Variants in FHDC1 observed in about 807,000 individuals in gnomAD.
FHDC1 encodes the protein FH2 domain-containing protein 1.
Under a neutral mutation model 52.6 loss-of-function variants are expected in FHDC1, and 25 were observed. The observed-to-expected ratio is 0.48, with a 90% CI of 0.35 to 0.66. FHDC1 has a LOEUF of 0.66. Ranked by LOEUF, FHDC1 falls within the 30% of genes least tolerant of loss-of-function variation. The pLI, the probability that FHDC1 is intolerant of heterozygous loss-of-function variation, is 0.01. For missense variants in FHDC1, 1,459 were observed against 1,452.8 expected, an observed-to-expected ratio of 1.00 and a Z score of -0.07; for synonymous variants, 616 against 581.5, an observed-to-expected ratio of 1.06 and a Z score of -0.85.
intron 2 of FHDC1, among the ~76,000 whole-genome samples, 179 bp downstream of exon 2, chr4:152,943,734 C>T (rs568092270): frequency 2.0e-5 from 3 of 152,112 alleles, no homozygotes; most frequent in Non-Finnish European, 4.4e-5. Flanking sequence ...ATTGAGAAAG[C>T]GTAAGAAGTA....
In FHDC1 at chr4:152,979,592, A is replaced by G. The variant is rs920611876; in HGVS notation, c.*2869A>G. 6.6e-6 allele frequency: 1 copy of G among 152,256 alleles called. No homozygotes were observed. Among genetic ancestry groups the G allele is most frequent in the African/African-American group, 2.4e-5 (1 of 41,464 alleles). The allele number at this position is 152,256 out of a possible 1,614,324, so 9.4% of individuals were successfully genotyped here. On this transcript the variant is annotated 3_prime_UTR_variant, in exon 12 of 12. Coordinates refer to ENST00000511601, the MANE Select transcript of FHDC1 (RefSeq NM_001371116.1). ...TAAGTATCTATGTAAATTTGTTTAA[A>G]ATAAACTGAATGTATTTAATGGTCC...
Position 152,977,816 on chromosome 4 carries a change from GC to G in FHDC1, c.*1096del, listed in dbSNP as rs1740947248. The G allele has an allele frequency of 6.6e-6, 1 of 152,144 alleles. No individual in the cohort carries two copies. 9.4% of individuals were successfully genotyped at this position (152,144 alleles called of 1,614,324 possible). ...GTTCTCTGGCTTCAGAGTTTCACCT[GC>G]CCACACAGGGTCCGTTGCTGGCAAC... On this transcript the variant is annotated 3_prime_UTR_variant, in exon 12 of 12. Coordinates refer to ENST00000511601, the MANE Select transcript of FHDC1 (RefSeq NM_001371116.1).
the FHDC1 span, among the ~76,000 whole-genome samples, chr4:152,916,416 G>A: frequency 6.6e-6 from 1 of 152,046 alleles, no homozygotes; most frequent in Admixed American, 6.5e-5. Context: ...ACATTCATAT[G>A]TATTCACATA....
the FHDC1 span, chr4:152,927,652 T>A: frequency 6.3e-7 from 1 of 1,595,924 alleles, no homozygotes; most frequent in South Asian, 1.1e-5. Flanking sequence ...AGCAGGAGTA[T>A]GAGGAACAGT....
At chr4:152,938,571 C>G (rs1383012124) in intron 1 of FHDC1, among the ~76,000 whole-genome samples, 3 of 152,152 alleles carry the variant, frequency 2.0e-5, no homozygotes, top group African/African-American at 7.2e-5. Flanking sequence ...TTTCCCCATC[C>G]TTTTCTTCTC....
Position 152,972,600 on chromosome 4 carries a change from G to A in FHDC1, c.1383+59G>A, listed in dbSNP as rs538676510. 884 of 1,540,312 alleles carry A rather than the reference G, an allele frequency of 5.7e-4. 6 individuals carry two copies. The highest frequency in any genetic ancestry group is 4.5e-3 in the South Asian group (348 of 78,076). ...TTGGATTTTTATTTTCCTTCTTCTC[G>A]ACCTAGTCATCTGCTCACCACAGAA... On this transcript the variant is annotated intron_variant, in intron 11 of 11. Coordinates refer to ENST00000511601, the MANE Select transcript of FHDC1 (RefSeq NM_001371116.1).
the FHDC1 span, among the ~76,000 whole-genome samples, chr4:152,916,707 C>G: frequency 6.6e-6 from 1 of 152,066 alleles, no homozygotes; most frequent in African/African-American, 2.4e-5. Context: ...CCTACAGATA[C>G]TACAATTTCT....
the FHDC1 span, chr4:152,927,901 G>A: frequency 7.2e-7 from 1 of 1,383,844 alleles, no homozygotes. Flanking sequence ...AGGTGAAGCT[G>A]TTGGCAGGAG....
rs1404695614 is a variant in FHDC1, at chr4:152,979,620, T to G, written c.*2897T>G. On this transcript the variant is annotated 3_prime_UTR_variant, in exon 12 of 12. Coordinates refer to ENST00000511601, the MANE Select transcript of FHDC1 (RefSeq NM_001371116.1). ...AAACTGAATGTATTTAATGGTCCAT[T>G]TATATGTTCTTTTATGTAACATGTA... 1 of 152,236 alleles carries G rather than the reference T, an allele frequency of 6.6e-6. No homozygotes were observed. The highest frequency in any genetic ancestry group is 1.5e-5 in the Non-Finnish European group (1 of 68,042). 9.4% of individuals were successfully genotyped at this position (152,236 alleles called of 1,614,324 possible).
In FHDC1 at chr4:152,943,421, A is replaced by G; in HGVS notation, c.364A>G (p.Arg122Gly). The G allele has an allele frequency of 3.1e-6, 5 of 1,614,214 alleles. No individual in the cohort carries two copies. The highest frequency in any genetic ancestry group is 4.2e-6 in the Non-Finnish European group (5 of 1,180,048). Reference protein sequence around the residue: ...GKTNIWTLAARQEHHYQIDTK... With the variant: ...GKTNIWTLAAGQEHHYQIDTK... ...AACCAACATCTGGACCTTGGCAGCC[A>G]GGCAGGAACATCACTACCAAATTGA... Residue 122 changes from arginine (R) to glycine (G), a missense_variant, in exon 2 of 12, where the codon AGG (arginine) becomes GGG (glycine). Physicochemically the swap from Arg to Gly is moderately radical, Grantham distance 125. Coordinates refer to ENST00000511601, the MANE Select transcript of FHDC1 (RefSeq NM_001371116.1).
At chr4:152,949,989 C>CATG (rs1739874015) in intron 2 of FHDC1, among the ~76,000 whole-genome samples, 1 of 152,138 alleles carries the variant, frequency 6.6e-6, no homozygotes, top group Non-Finnish European at 1.5e-5. Flanking sequence ...CCTGGTGTGA[C>CATG]CAGAGGAGTA....
chr4:152,953,602 C>CTGT, intron 3 of FHDC1, 42 bp downstream of exon 3: 1 of 1,522,238 alleles, frequency 6.6e-7, no homozygotes, highest in Middle Eastern at 1.7e-4. Flanking sequence ...CATATCCCTG[C>CTGT]TGTCAGCATC....
At position 152,975,589 on chromosome 4, in the gene FHDC1, T is replaced by A; in HGVS notation, c.2298T>A (p.Asp766Glu). ...SVGSSDPENKDPRPLFCISDT... is the reference protein window; with the variant it reads ...SVGSSDPENKEPRPLFCISDT... ...GTAGCAGCGACCCTGAGAACAAAGA[T>A]CCTAGACCTCTGTTCTGCATCTCGG... The change falls in exon 12 of 12, where the codon GAT becomes GAA. Residue 766 changes from aspartate to glutamate, a missense_variant. By Grantham distance (45) the Asp-to-Glu change is conservative. Around this residue, in one of 3 missense-constraint regions of FHDC1, gnomAD observed 939 missense variants for 854.5 expected, o/e 1.10. Coordinates refer to ENST00000511601, the MANE Select transcript of FHDC1 (RefSeq NM_001371116.1). 1 of 1,613,468 alleles carries A rather than the reference T, an allele frequency of 6.2e-7. No individual in the cohort carries two copies. Among genetic ancestry groups the A allele is most frequent in the Non-Finnish European group, 8.5e-7 (1 of 1,179,994 alleles).
At chr4:152,971,277 G>A (rs757237531) in intron 10 of FHDC1, among the ~76,000 whole-genome samples, 4 of 152,132 alleles carry the variant, frequency 2.6e-5, no homozygotes, top group Non-Finnish European at 5.9e-5. Flanking sequence ...GATTGCTTGA[G>A]CCCAGGAGGT....
chr4:152,977,693 TCCTC>T lies in FHDC1; in HGVS notation c.*973_*976del, dbSNP rs1163296456. ...ATCTCGAGCTCCTGGGCTCAAGTGA[TCCTC>T]CCACCTCAGCCTCCCAAAGTGCTGG... On this transcript the variant is annotated 3_prime_UTR_variant, in exon 12 of 12. Coordinates refer to ENST00000511601, the MANE Select transcript of FHDC1 (RefSeq NM_001371116.1). 1 of 152,358 alleles carries T rather than the reference TCCTC, an allele frequency of 6.6e-6. No individual in the cohort carries two copies. Among genetic ancestry groups the T allele is most frequent in the African/African-American group, 2.4e-5 (1 of 41,422 alleles). 9.4% of individuals were successfully genotyped at this position (152,358 alleles called of 1,614,324 possible).
rs1029601304 is a variant in FHDC1 at position 152,976,987 on chromosome 4, C to T, written c.*264C>T. On this transcript the variant is annotated 3_prime_UTR_variant, in exon 12 of 12. Transcript: ENST00000511601. The stretch of plus-strand genomic sequence containing the variant: ...CTCCCCCATGCACCCCACCCTCCCC[C>T]AAAGCCCGGATCCCGAGAAAGATTT... 6.5e-6 allele frequency: 2 copies of T among 309,582 alleles called. No homozygotes were observed. The highest frequency in any genetic ancestry group is 1.6e-4 in the South Asian group (1 of 6,406). The allele number at this position is 309,582 out of a possible 1,614,324, so 19.2% of individuals were successfully genotyped here.
At position 152,951,699 on chromosome 4, in the gene FHDC1, A is replaced by G. The variant is rs576034670; in HGVS notation, c.499-1800A>G. Among the ~76,000 whole-genome samples the G allele has an allele frequency of 2.7e-3, 417 of 152,290 alleles. 2 individuals are homozygous for G. Among genetic ancestry groups the G allele is most frequent in the African/African-American group, 9.5e-3 (393 of 41,556 alleles). Reference sequence around the variant, plus strand: ...CTTTTGTTCACAGTGAATCACATACATTTGGAAAGGAAGAGCATTATAACA... The same window carrying G: ...CTTTTGTTCACAGTGAATCACATACGTTTGGAAAGGAAGAGCATTATAACA... On this transcript the variant is annotated intron_variant, in intron 2 of 11. Coordinates refer to ENST00000511601, the MANE Select transcript of FHDC1 (RefSeq NM_001371116.1).
chr4:152,974,916 C>T lies in FHDC1; in HGVS notation c.1625C>T (p.Ser542Phe). ...CCGAACACCCGCCGCTCCCGCCTCTCCCTGGGTCCCTCTGCTGACCGGGAG... is the reference window on the plus strand; with the variant it reads ...CCGAACACCCGCCGCTCCCGCCTCTTCCTGGGTCCCTCTGCTGACCGGGAG... ...RPPNTRRSRL[S>F]LGPSADRELL... Residue 542 changes from serine (S) to phenylalanine (F), a missense_variant, in exon 12 of 12, where the codon TCC becomes TTC. By Grantham distance (155) the Ser-to-Phe change is radical. Coordinates refer to ENST00000511601, the MANE Select transcript of FHDC1 (RefSeq NM_001371116.1). 1 of 1,612,064 alleles carries T rather than the reference C, an allele frequency of 6.2e-7. No homozygotes were observed. Among genetic ancestry groups the T allele is most frequent in the Non-Finnish European group, 8.5e-7 (1 of 1,179,750 alleles).
the FHDC1 span, chr4:152,927,756 A>G: frequency 7.1e-7 from 1 of 1,416,818 alleles, no homozygotes; most frequent in Non-Finnish European, 1.0e-6. Context: ...GAAAAGCAAC[A>G]AAGAGAAGAA....
Sources: allele counts gnomAD v4.1 joint callset (sites outside exome capture counted in the v4.1 genomes callset), GRCh38; gene constraint gnomAD v4.1.1; regional missense constraint gnomAD v4.1.1; transcripts MANE v1.5; gene names NCBI Gene and HGNC (gene_info 2026-07-23, HGNC 2026-07-21).